Variants in ENO4 observed in about 807,000 individuals in gnomAD.
ENO4 encodes the protein 2-phospho-D-glycerate hydro-lyase.
A neutral mutation model predicts 63.2 loss-of-function variants in ENO4; 53 were observed. That is an observed-to-expected ratio of 0.84 (90% CI 0.67 to 1.05). The LOEUF is 1.05. ENO4 is among the 50% of genes least tolerant of loss of function. The pLI, the probability that ENO4 is intolerant of heterozygous loss-of-function variation, is 0.00. For synonymous variants in ENO4, 266 were observed against 283.8 expected, an observed-to-expected ratio of 0.94 and a Z score of 0.63; for missense variants, 719 against 772.0, an observed-to-expected ratio of 0.93 and a Z score of 0.81.
At chr10:116,878,853 C>T (rs1470234241) in intron 11 of ENO4, among the ~76,000 whole-genome samples, 1 of 147,942 alleles carries the variant, frequency 6.8e-6, no homozygotes, top group African/African-American at 2.5e-5. Flanking sequence ...ACGCCATTCT[C>T]CTGCCTCAGC....
At chr10:116,886,420 T>C, downstream of ENO4, 1 of 1,603,834 alleles carries the variant, frequency 6.2e-7, no homozygotes. Flanking sequence ...TTCGCCTTCA[T>C]CCTCCTTGTG....
At chr10:116,891,045 G>C (rs1333633918) in intron 10 of ENO4, among the ~76,000 whole-genome samples, 1 of 152,160 alleles carries the variant, frequency 6.6e-6, no homozygotes, top group African/African-American at 2.4e-5. Flanking sequence ...TAATAGACGT[G>C]GTTCTGAGCT....
chr10:116,858,135 G>T (rs1846318856), intron 3 of ENO4, among the ~76,000 whole-genome samples: 1 of 151,858 alleles, frequency 6.6e-6, no homozygotes, highest in Non-Finnish European at 1.5e-5. Flanking sequence ...CATCTGGACT[G>T]GTTCTTCTGT....
At chr10:116,881,251 T>A (rs1321409394) in intron 13 of ENO4, among the ~76,000 whole-genome samples, 1 of 152,180 alleles carries the variant, frequency 6.6e-6, no homozygotes, top group Non-Finnish European at 1.5e-5. Context: ...CCCTTTCCGC[T>A]AAGCCTCTGC....
intron 6 of ENO4, 40 bp downstream of exon 6, chr10:116,861,230 A>ATAT: frequency 1.8e-6 from 1 of 542,146 alleles, no homozygotes; most frequent in Non-Finnish European, 2.6e-6. Flanking sequence ...CTAAAAAAAA[A>ATAT]AAAAAAATAT....
At chr10:116,866,865 G>A (rs976395487) in intron 7 of ENO4, among the ~76,000 whole-genome samples, 3 of 151,286 alleles carry the variant, frequency 2.0e-5, no homozygotes, top group African/African-American at 7.3e-5. Context: ...TCCTAATAAA[G>A]GACACCTATT....
At chr10:116,880,296 C>T (rs1346907503) in intron 13 of ENO4, among the ~76,000 whole-genome samples, 1 of 152,174 alleles carries the variant, frequency 6.6e-6, no homozygotes, top group Non-Finnish European at 1.5e-5. Context: ...CTTAAGGTTT[C>T]CCTGCACAGC....
rs1847037530 is a variant in ENO4, at chr10:116,882,247, T to C, written c.*578T>C. 6.6e-6 allele frequency: 1 copy of C among 152,190 alleles called. No individual in the cohort carries two copies. Among genetic ancestry groups the C allele is most frequent in the Admixed American group, 6.5e-5 (1 of 15,284 alleles). 9.4% of individuals were successfully genotyped at this position (152,190 alleles called of 1,614,324 possible). A position where few individuals can be genotyped will look rare whatever the true frequency, so the allele number is the denominator to read the frequency against. ...TTTTTAAATTTTAGTTTTTCTTGTA[T>C]TATTTTTATCTTTGCGAGTCTTCTT... On this transcript the variant is annotated 3_prime_UTR_variant, in exon 14 of 14. Coordinates refer to ENST00000341276, the MANE Select transcript of ENO4 (RefSeq NM_001242699.2).
In ENO4 at chr10:116,862,868, CTA is replaced by C. The variant is rs1846452105; in HGVS notation, c.990+18_990+19del. Reference sequence around the variant, plus strand: ...AATTGAAATGGTATGTAAAGAGATTCTATGTTATCTAGTTACTGACACTTAGA... The same window carrying C: ...AATTGAAATGGTATGTAAAGAGATTCTGTTATCTAGTTACTGACACTTAGA... On this transcript the variant is annotated intron_variant, in intron 7 of 13. Transcript: ENST00000341276. 1.3e-6 allele frequency: 2 copies of C among 1,497,118 alleles called. No homozygotes were observed. The highest frequency in any genetic ancestry group is 2.5e-5 in the East Asian group (1 of 40,606). The allele number at this position is 1,497,118 out of a possible 1,614,324, so 92.7% of individuals were successfully genotyped here.
intron 10 of ENO4, among the ~76,000 whole-genome samples, chr10:116,903,739 T>C (rs1004468008): frequency 6.6e-6 from 1 of 152,210 alleles, no homozygotes. Context: ...CTTTAAACAA[T>C]CTGTCCTTGT....
At chr10:116,861,217 T>A in intron 6 of ENO4, 27 bp downstream of exon 6, 1 of 904,498 alleles carries the variant, frequency 1.1e-6, no homozygotes, top group Non-Finnish European at 1.4e-6. Flanking sequence ...TAAATTACCT[T>A]TTCTAAAAAA....
At chr10:116,855,825 T>C (rs1289925006) in intron 2 of ENO4, 74 bp downstream of exon 2, 8 of 1,407,172 alleles carry the variant, frequency 5.7e-6, no homozygotes, top group Non-Finnish European at 6.5e-6. Context: ...GTCTAAGCTG[T>C]AGAAAATTAT....
chr10:116,892,911 C>T (rs895744676), intron 10 of ENO4, among the ~76,000 whole-genome samples: 8 of 152,048 alleles, frequency 5.3e-5, no homozygotes, highest in Non-Finnish European at 7.4e-5. Flanking sequence ...TACAATGTAC[C>T]GAAAGCAATT....
chr10:116,888,957 T>C (rs767361904), intron 10 of ENO4, among the ~76,000 whole-genome samples: 4 of 152,244 alleles, frequency 2.6e-5, no homozygotes, highest in Non-Finnish European at 5.9e-5. Flanking sequence ...GTCTGCAGAT[T>C]GAGTCACCAG....
intron 9 of ENO4, among the ~76,000 whole-genome samples, chr10:116,873,201 T>G (rs1846744554): frequency 6.6e-6 from 1 of 152,210 alleles, no homozygotes; most frequent in African/African-American, 2.4e-5. Flanking sequence ...AAGTTCTTGC[T>G]GCTTTTGAAG....
Position 116,852,586 on chromosome 10 carries a change from A to G in ENO4, c.165+2855A>G, listed in dbSNP as rs11197832. 6.3e-3 allele frequency among the ~76,000 whole-genome samples: 963 copies of G among 152,348 alleles called. 30 individuals carry two copies. The highest frequency in any genetic ancestry group is 0.048 in the Admixed American group (734 of 15,306). ...GGCTATGTCACTTACTTTGATCAAT[A>G]GGACCTTGACAAACACGATACAAAC... On this transcript the variant is annotated intron_variant, in intron 1 of 13. Coordinates refer to ENST00000341276, the MANE Select transcript of ENO4 (RefSeq NM_001242699.2).
intron 10 of ENO4, among the ~76,000 whole-genome samples, chr10:116,893,768 A>T (rs1847422025): frequency 6.6e-6 from 1 of 152,150 alleles, no homozygotes; most frequent in Non-Finnish European, 1.5e-5. Context: ...TGGCCAACTA[A>T]ATTAATTTCC....
In ENO4 at chr10:116,876,091, T is replaced by C; in HGVS notation, c.1368T>C (p.Tyr456=). 6.5e-7 allele frequency: 1 copy of C among 1,549,386 alleles called. No homozygotes were observed. Among genetic ancestry groups the C allele is most frequent in the Non-Finnish European group, 8.7e-7 (1 of 1,146,490 alleles). The stretch of plus-strand genomic sequence containing the variant: ...ACTCTGAACAGTGGGACAGCATCTA[T>C]CACGCACTTGGTTCCAGGTGTTACA... ...KEDSEQWDSI[Y]HALGSRCYII... Residue 456 remains tyrosine, a synonymous_variant, in exon 11 of 14, where the codon TAT becomes TAC. Coordinates refer to ENST00000341276, the MANE Select transcript of ENO4 (RefSeq NM_001242699.2).
intron 10 of ENO4, among the ~76,000 whole-genome samples, chr10:116,899,688 G>C (rs888950902): frequency 1.3e-5 from 2 of 152,160 alleles, no homozygotes; most frequent in African/African-American, 2.4e-5. Context: ...TGTTGCCACA[G>C]ACAAAATAGA....
Sources: allele counts gnomAD v4.1 joint callset (sites outside exome capture counted in the v4.1 genomes callset), GRCh38; gene constraint gnomAD v4.1.1; transcripts MANE v1.5; gene names NCBI Gene and HGNC (gene_info 2026-07-23, HGNC 2026-07-21).